MEGF11: variants seen among roughly 807,000 people sequenced by gnomAD.
MEGF11 encodes the protein multiple EGF like domains 11, also known as multiple epidermal growth factor-like domains protein 11.
Under a neutral mutation model 146.6 loss-of-function variants are expected in MEGF11, and 126 were observed. That is an observed-to-expected ratio of 0.86 (90% CI 0.74 to 1.00). The LOEUF (loss-of-function observed/expected upper bound fraction) is 1.00. Among genes scored for constraint, MEGF11 ranks in the 50% least tolerant of loss-of-function variants. MEGF11 has a pLI of 0.00. For missense variants in MEGF11, 1,509 were observed against 1,521.2 expected, an observed-to-expected ratio of 0.99 and a Z score of 0.13; for synonymous variants, 532 against 583.4, an observed-to-expected ratio of 0.91 and a Z score of 1.27.
intron 5 of MEGF11, among the ~76,000 whole-genome samples, chr15:66,076,614 G>A (rs1221498712): frequency 1.3e-5 from 2 of 152,160 alleles, no homozygotes; most frequent in Non-Finnish European, 2.9e-5. Context: ...TGGATGTGGA[G>A]GGCATGGCTG....
chr15:66,062,610 G>A (rs933144387), intron 5 of MEGF11, among the ~76,000 whole-genome samples: 4 of 152,214 alleles, frequency 2.6e-5, no homozygotes, highest in African/African-American at 9.6e-5. Flanking sequence ...AACCTTGTGA[G>A]ACACTGAGCA....
rs768326955 is a variant in MEGF11 at position 65,980,799 on chromosome 15, A to G, written c.741T>C (p.Cys247=). The G allele has an allele frequency of 6.2e-7, 1 of 1,607,204 alleles. No homozygotes were observed. Reference sequence around the variant, plus strand: ...TTACCGTCCAGCCTGGGGGGCAGGCACACTCGCCAGTGATGTGGTGGCAGG... The same window carrying G: ...TTACCGTCCAGCCTGGGGGGCAGGCGCACTCGCCAGTGATGTGGTGGCAGG... ...GGTCHHITGE[C]ACPPGWTGAV... Residue 247 remains cysteine, a synonymous_variant, in exon 7 of 26, where the codon TGT becomes TGC. Coordinates refer to ENST00000395614, the MANE Select transcript of MEGF11 (RefSeq NM_001385028.1).
intron 9 of MEGF11, 93 bp downstream of exon 9, chr15:65,964,815 A>C: frequency 8.3e-7 from 1 of 1,206,130 alleles, no homozygotes; most frequent in Non-Finnish European, 1.2e-6. Context: ...CTGGATGTCC[A>C]TGCTAGAGGT....
chr15:66,225,627 G>T (rs2091835744), intron 1 of MEGF11, among the ~76,000 whole-genome samples: 1 of 152,068 alleles, frequency 6.6e-6, no homozygotes, highest in South Asian at 2.1e-4. Context: ...ATTCACATAT[G>T]GTCCTGCACA....
intron 23 of MEGF11, among the ~76,000 whole-genome samples, chr15:65,907,856 G>A (rs1355610779): frequency 1.3e-5 from 2 of 152,260 alleles, no homozygotes; most frequent in African/African-American, 4.8e-5. Flanking sequence ...ATCTCTCCAA[G>A]TATTCTCTCT....
intron 1 of MEGF11, among the ~76,000 whole-genome samples, chr15:66,239,065 T>C (rs905819600): frequency 3.3e-5 from 5 of 152,226 alleles, no homozygotes; most frequent in Admixed American, 1.3e-4. Context: ...CAAGGTCACC[T>C]GCTTTTAAAT....
Position 65,916,832 on chromosome 15 carries a change from T to C in MEGF11, c.2211A>G (p.Thr737=). ...AGGCCAGGAGGTGGGGCTTACGCTG[T>C]GTGCAGAAGAGTCCAGTCCAGCCAG... ...CTPGWTGLFC[T]QRCPAAFFGK... is the part of the protein sequence containing the mutation. The change falls in exon 17 of 26, where the codon ACA becomes ACG. Residue 737 remains threonine, a synonymous_variant. Coordinates refer to ENST00000395614, the MANE Select transcript of MEGF11 (RefSeq NM_001385028.1). 6.2e-7 allele frequency: 1 copy of C among 1,606,108 alleles called. No homozygotes were observed. Among genetic ancestry groups the C allele is most frequent in the Non-Finnish European group, 8.5e-7 (1 of 1,174,802 alleles).
At chr15:66,145,969 G>A (rs2141019829) in intron 1 of MEGF11, among the ~76,000 whole-genome samples, 1 of 152,314 alleles carries the variant, frequency 6.6e-6, no homozygotes, top group African/African-American at 2.4e-5. Flanking sequence ...TGGGCGCACA[G>A]TAAACAGAAG....
chr15:66,084,056 A>G (rs2086000921), intron 5 of MEGF11, among the ~76,000 whole-genome samples: 1 of 152,232 alleles, frequency 6.6e-6, no homozygotes, highest in African/African-American at 2.4e-5. Context: ...ATGCATTGGT[A>G]GGTGACTTTG....
chr15:66,205,709 T>G (rs2091282458), intron 1 of MEGF11, among the ~76,000 whole-genome samples: 2 of 152,210 alleles, frequency 1.3e-5, no homozygotes, highest in Non-Finnish European at 2.9e-5. Context: ...CACAAGTAGG[T>G]GCCCTCACTC....
At chr15:66,081,273 G>T (rs1416542754) in intron 5 of MEGF11, among the ~76,000 whole-genome samples, 2 of 152,242 alleles carry the variant, frequency 1.3e-5, no homozygotes, top group Admixed American at 6.5e-5. Context: ...GGGCAGCAGG[G>T]AGGTCACCAG....
In MEGF11 at chr15:66,239,125, G is replaced by C. The variant is rs188007311; in HGVS notation, c.-9+14480C>G. Among the ~76,000 whole-genome samples the C allele has an allele frequency of 2.6e-3, 395 of 152,312 alleles. 3 individuals are homozygous for C. Among genetic ancestry groups the C allele is most frequent in the African/African-American group, 8.8e-3 (364 of 41,558 alleles). ...GCACTCTGGTCTCTGACCCACTTCA[G>C]AATGATCTCACCTTACTCGGGAAGG... On this transcript the variant is annotated intron_variant, in intron 1 of 25. Transcript: ENST00000395614.
intron 9 of MEGF11, among the ~76,000 whole-genome samples, chr15:65,964,566 A>T (rs2141556616): frequency 6.6e-6 from 1 of 152,300 alleles, no homozygotes; most frequent in South Asian, 2.1e-4. Context: ...GAGCCCTGCC[A>T]TCCTAGCCCC....
intron 1 of MEGF11, among the ~76,000 whole-genome samples, chr15:66,184,265 A>C (rs2090634024): frequency 6.6e-6 from 1 of 152,180 alleles, no homozygotes; most frequent in Admixed American, 6.5e-5. Context: ...AAAAGAATCT[A>C]GGTGGCCTTC....
chr15:65,899,116 C>T (rs1242317452), intron 24 of MEGF11, among the ~76,000 whole-genome samples, 182 bp from the exon 25 acceptor site: 1 of 152,136 alleles, frequency 6.6e-6, no homozygotes, highest in African/African-American at 2.4e-5. Context: ...AGGCAGAGTT[C>T]TTTTTCCAAA....
At chr15:65,994,531 AGAG>A (rs1275090522) in intron 5 of MEGF11, among the ~76,000 whole-genome samples, 3 of 152,098 alleles carry the variant, frequency 2.0e-5, no homozygotes, top group African/African-American at 7.2e-5. Context: ...GAGGAGTGAG[AGAG>A]GAGTTGTGTT....
At chr15:65,993,594 C>T (rs1324621117) in intron 5 of MEGF11, among the ~76,000 whole-genome samples, 1 of 152,214 alleles carries the variant, frequency 6.6e-6, no homozygotes, top group Admixed American at 6.5e-5. Flanking sequence ...CCCTCCCCGA[C>T]GTGGCCCCCT....
At chr15:65,925,798 A>G (rs1041549357) in intron 13 of MEGF11, among the ~76,000 whole-genome samples, 5 of 152,192 alleles carry the variant, frequency 3.3e-5, no homozygotes, top group Non-Finnish European at 7.4e-5. Flanking sequence ...GCCACTCAGC[A>G]GCCCATATCC....
At chr15:65,916,506 A>G (rs1255248292) in intron 17 of MEGF11, 3 of 662,102 alleles carry the variant, frequency 4.5e-6, no homozygotes, top group Non-Finnish European at 7.7e-6. Context: ...AGGTCAGGCT[A>G]GGGTCTACTT....
Sources: allele counts gnomAD v4.1 joint callset (sites outside exome capture counted in the v4.1 genomes callset), GRCh38; gene constraint gnomAD v4.1.1; transcripts MANE v1.5; gene names NCBI Gene and HGNC (gene_info 2026-07-23, HGNC 2026-07-21).